The following CABYR variants were observed in gnomAD, a reference collection of about 807,000 sequenced individuals.
CABYR encodes calcium-binding tyrosine phosphorylation-regulated protein.
In CABYR, 31 loss-of-function variants were observed where a neutral mutation model predicts 36.1. That is an observed-to-expected ratio of 0.86 (90% CI 0.64 to 1.16). CABYR has a LOEUF of 1.16. Among genes scored for constraint, CABYR ranks in the 50% most tolerant of loss-of-function variants. The pLI, the probability that CABYR is intolerant of heterozygous loss-of-function variation, is 0.00. For missense variants in CABYR, 429 were observed against 455.8 expected (o/e 0.94, Z 0.53); for synonymous variants, 146 against 160.7 (o/e 0.91, Z 0.69).
At chr18:24,160,490 C>T (rs184434401) in intron 5 of CABYR, among the ~76,000 whole-genome samples, 42 of 152,282 alleles carry the variant, frequency 2.8e-4, no homozygotes, top group Admixed American at 7.2e-4. Context: ...TAACAGAACA[C>T]TTAATCCACG....
chr18:24,156,763 T>G (rs1376908961), intron 4 of CABYR: 1 of 1,614,100 alleles, frequency 6.2e-7, no homozygotes, highest in South Asian at 1.1e-5. Flanking sequence ...CACCTTGAAG[T>G]GGAGATCACT....
intron 3 of CABYR, chr18:24,150,759 AGTTTTTTT>A (rs201037495): frequency 0.04 from 6,027 of 150,098 alleles, 295 homozygotes; most frequent in East Asian, 0.26. Context: ...TCCCACCTCC[AGTTTTTTT>A]GTTTTTTTGT....
intron 3 of CABYR, among the ~76,000 whole-genome samples, chr18:24,146,544 C>CT (rs1187819464): frequency 7.0e-6 from 1 of 143,106 alleles, no homozygotes; most frequent in Non-Finnish European, 1.5e-5. Context: ...GCAAGACTGT[C>CT]TAAAAAAAAA....
intron 3 of CABYR, among the ~76,000 whole-genome samples, chr18:24,151,123 T>G (rs186873070): frequency 1.4e-3 from 213 of 149,306 alleles, no homozygotes; most frequent in Non-Finnish European, 1.8e-3. Flanking sequence ...CTTATGCTTC[T>G]TGGGCAGTTA....
intron 5 of CABYR, 48 bp downstream of exon 5, chr18:24,160,117 T>G: frequency 2.4e-6 from 3 of 1,239,926 alleles, no homozygotes; most frequent in Non-Finnish European, 3.4e-6. Context: ...CACACGCGCG[T>G]TTTAAGCATT....
intron 3 of CABYR, among the ~76,000 whole-genome samples, chr18:24,155,002 TA>T (rs956035582): frequency 6.6e-6 from 1 of 152,104 alleles, no homozygotes; most frequent in Non-Finnish European, 1.5e-5. Context: ...TTTCTTAAAG[TA>T]AAAAAAATCC....
intron 5 of CABYR, chr18:24,160,652 C>T (rs1351367409): frequency 6.5e-6 from 1 of 153,568 alleles, no homozygotes; most frequent in Admixed American, 6.5e-5. Flanking sequence ...AGCCCTCCTC[C>T]CCTATGTGTG....
intron 3 of CABYR, chr18:24,150,578 G>C (rs2085595226): frequency 1.0e-6 from 1 of 984,176 alleles, no homozygotes; most frequent in African/African-American, 1.7e-5. Flanking sequence ...AAGAATGGAT[G>C]GAAGGGCAAG....
intron 1 of CABYR, among the ~76,000 whole-genome samples, chr18:24,141,638 C>T (rs1015750237): frequency 1.3e-5 from 2 of 152,158 alleles, no homozygotes; most frequent in African/African-American, 4.8e-5. Context: ...GTAGCTTCAC[C>T]TTGTTTTTCC....
chr18:24,160,722 G>A (rs1014886836), intron 5 of CABYR: 1 of 152,754 alleles, frequency 6.5e-6, no homozygotes, highest in Admixed American at 6.5e-5. Flanking sequence ...AGACAAAAAA[G>A]TGTATTACAA....
Position 24,143,212 on chromosome 18 carries a change from T to C in CABYR, c.98T>C (p.Ile33Thr). 2 of 1,614,068 alleles carry C rather than the reference T, an allele frequency of 1.2e-6. No individual in the cohort carries two copies. The highest frequency in any genetic ancestry group is 2.2e-5 in the South Asian group (2 of 91,052). ...RAVLKTNPSNINQFAAAYFQE... is the reference protein window; with the variant it reads ...RAVLKTNPSNTNQFAAAYFQE... ...GTTCTCAAAACCAACCCATCAAACA[T>C]CAACCAGTTTGCAGCAGCTTATTTT... Residue 33 changes from isoleucine to threonine, a missense_variant, in exon 2 of 6, where the codon ATC (isoleucine) becomes ACC (threonine). Transcript: ENST00000399496.
intron 3 of CABYR, among the ~76,000 whole-genome samples, chr18:24,152,138 A>G (rs1009942668): frequency 1.3e-5 from 2 of 152,244 alleles, no homozygotes; most frequent in African/African-American, 4.8e-5. Context: ...AGCCAATTTA[A>G]TTTTAATCAA....
At chr18:24,144,277 G>C (rs2085404577) in intron 3 of CABYR, among the ~76,000 whole-genome samples, 1 of 152,122 alleles carries the variant, frequency 6.6e-6, no homozygotes, top group Non-Finnish European at 1.5e-5. Context: ...ATCAGGATGG[G>C]AAAAGCTCAC....
intron 4 of CABYR, 122 bp from the exon 5 acceptor site, chr18:24,159,350 T>C (rs757354281): frequency 2.1e-4 from 150 of 698,994 alleles, no homozygotes; most frequent in Non-Finnish European, 5.7e-5. Context: ...CTCTATAGCA[T>C]GCTCTACGGT....
rs76877584 is a variant in CABYR at position 24,150,143 on chromosome 18, G to A, written c.200-5558G>A. On this transcript the variant is annotated intron_variant, in intron 3 of 5. Transcript: ENST00000399496. ...GGGTGAGGGAGACAGAAATAGACCCGGAAGAGAAGAGGGAAGGACAAAGCC... is the reference window on the plus strand; with the variant it reads ...GGGTGAGGGAGACAGAAATAGACCCAGAAGAGAAGAGGGAAGGACAAAGCC... Among the ~76,000 whole-genome samples the A allele has an allele frequency of 6.1e-3, 929 of 152,362 alleles. 17 individuals carry two copies. Among genetic ancestry groups the A allele is most frequent in the African/African-American group, 0.021 (878 of 41,590 alleles).
At position 24,159,866 on chromosome 18, in the gene CABYR, C is replaced by T. The variant is rs552920508; in HGVS notation, c.936C>T (p.Pro312=). The T allele has an allele frequency of 5.0e-6, 8 of 1,614,124 alleles. No individual in the cohort carries two copies. The African/African-American group carries it at 6.7e-5, about 13-fold the overall frequency. ...DEKYQKHTLS[P]QNANPPSGQD... ...AATACCAGAAACATACCCTAAGTCC[C>T]CAGAATGCTAATCCTCCAAGTGGAC... is the stretch of plus-strand genomic sequence containing the variant. The change falls in exon 5 of 6, where the codon CCC becomes CCT. Residue 312 remains proline, a synonymous_variant. Coordinates refer to ENST00000399496, the MANE Select transcript of CABYR (RefSeq NM_153769.3).
At chr18:24,156,688 C>T (rs1467007400) in intron 4 of CABYR, 1 of 1,614,158 alleles carries the variant, frequency 6.2e-7, no homozygotes, top group Non-Finnish European at 8.5e-7. Flanking sequence ...AAAGGTCAGC[C>T]TGAGGTACCT....
intron 1 of CABYR, among the ~76,000 whole-genome samples, chr18:24,142,828 C>G (rs190634558): frequency 1.3e-5 from 2 of 151,826 alleles, no homozygotes; most frequent in East Asian, 3.9e-4. Context: ...GTCAGGAGAT[C>G]GAGACCATCC....
rs778597918 is a variant in CABYR, at chr18:24,156,147, G to A, written c.541+105G>A. On this transcript the variant is annotated intron_variant, in intron 4 of 5. Coordinates refer to ENST00000399496, the MANE Select transcript of CABYR (RefSeq NM_153769.3). Reference sequence around the variant, plus strand: ...GGAGGTGCCAAGCTCAGAGGCTGCTGAAGATGTCATGGTGGCTGCTCCTCT... The same window carrying A: ...GGAGGTGCCAAGCTCAGAGGCTGCTAAAGATGTCATGGTGGCTGCTCCTCT... The A allele has an allele frequency of 3.8e-5, 61 of 1,614,112 alleles. No individual in the cohort carries two copies. The South Asian group carries it at 6.5e-4, about 17-fold the overall frequency.
Sources: gnomAD v4.1 joint callset for allele counts (sites outside exome capture counted in the v4.1 genomes callset) on GRCh38, gnomAD v4.1.1 for gene constraint, MANE v1.5 for transcripts, NCBI Gene and HGNC (gene_info 2026-07-23, HGNC 2026-07-21) for gene names.